The following HYAL4 variants were observed in gnomAD, a reference collection of about 807,000 sequenced individuals.
The protein encoded by HYAL4 is hyaluronidase-4.
Under a neutral mutation model 35.2 loss-of-function variants are expected in HYAL4, and 37 were observed. The observed-to-expected ratio is 1.05, with a 90% CI of 0.81 to 1.38. The LOEUF is 1.38. Among genes scored for constraint, HYAL4 ranks in the 40% most tolerant of loss-of-function variants. HYAL4 has a pLI of 0.00. For synonymous variants in HYAL4, 198 were observed against 203.2 expected (o/e 0.97, Z 0.22); for missense variants, 572 against 572.4 (o/e 1.00, Z 0.01).
rs1173705701 is a variant in HYAL4, at chr7:123,877,329, A to C, written c.*174A>C. 1.6e-6 allele frequency: 1 copy of C among 634,974 alleles called. No individual in the cohort carries two copies. The highest frequency in any genetic ancestry group is 3.2e-5 in the Admixed American group (1 of 31,706). 39.3% of individuals were successfully genotyped at this position (634,974 alleles called of 1,614,324 possible). A position where few individuals can be genotyped will look rare whatever the true frequency, so the allele number is the denominator to read the frequency against. ...TATTTTATTTGCCTCCAGTCTGGCT[A>C]GGAAACCAGATCTGGGGTAAAGTCA... is the stretch of plus-strand genomic sequence containing the variant. On this transcript the variant is annotated 3_prime_UTR_variant, in exon 5 of 5. Coordinates refer to ENST00000223026, the MANE Select transcript of HYAL4 (RefSeq NM_012269.3).
In HYAL4 at chr7:123,868,791, A is replaced by G. The variant is rs150637662; in HGVS notation, c.518A>G (p.Asp173Gly). 7.8e-5 allele frequency: 126 copies of G among 1,614,214 alleles called. No individual in the cohort carries two copies. In the African/African-American group the frequency reaches 1.6e-3, roughly 20 times the overall value. The change falls in exon 3 of 5, where the codon GAT becomes GGT. Residue 173 changes from aspartate to glycine, a missense_variant. Transcript: ENST00000223026. The part of the protein sequence containing the change: ...YRQKSRKLIS[D>G]MGKNVSATDI... ...CAGAAGTCAAGAAAGCTTATTTCCG[A>G]TATGGGAAAGAATGTATCAGCTACC...
At chr7:123,824,539 T>A (rs765852787), upstream of HYAL4, among the ~76,000 whole-genome samples, 2 of 152,124 alleles carry the variant, frequency 1.3e-5, no homozygotes, top group Non-Finnish European at 2.9e-5. Flanking sequence ...TGCTGCAATT[T>A]GGTTACAGGA....
At chr7:123,779,155 G>T in the HYAL4 span, among the ~76,000 whole-genome samples, 2 of 151,900 alleles carry the variant, frequency 1.3e-5, no homozygotes, top group South Asian at 4.1e-4. Context: ...AATTAATAAA[G>T]ATTTTAAAAA....
At chr7:123,797,211 G>A in the HYAL4 span, among the ~76,000 whole-genome samples, 1 of 152,194 alleles carries the variant, frequency 6.6e-6, no homozygotes, top group South Asian at 2.1e-4. Flanking sequence ...TGAGTAACAG[G>A]TTCTATGAAG....
the HYAL4 span, among the ~76,000 whole-genome samples, chr7:123,819,725 C>T: frequency 6.6e-6 from 1 of 152,000 alleles, no homozygotes; most frequent in Non-Finnish European, 1.5e-5. Flanking sequence ...GTCTCAGCTT[C>T]TCCATCTAAA....
intron 1 of HYAL4, among the ~76,000 whole-genome samples, chr7:123,846,262 CA>C (rs1001488665): frequency 6.6e-5 from 10 of 151,750 alleles, no homozygotes; most frequent in East Asian, 3.9e-4. Context: ...GAAGGACCAT[CA>C]GGGGGGCAGG....
At chr7:123,835,608 A>T (rs1047169965) in intron 1 of HYAL4, among the ~76,000 whole-genome samples, 5 of 151,422 alleles carry the variant, frequency 3.3e-5, no homozygotes, top group African/African-American at 1.2e-4. Flanking sequence ...TATTTCCTTT[A>T]TTCTACTGGG....
chr7:123,823,441 G>A, the HYAL4 span, among the ~76,000 whole-genome samples: 100 of 152,128 alleles, frequency 6.6e-4, no homozygotes, highest in African/African-American at 2.2e-3. Context: ...GCCTTGCTTT[G>A]GTATCAGGGT....
At chr7:123,861,431 C>T (rs182404516) in intron 2 of HYAL4, among the ~76,000 whole-genome samples, 309 of 152,286 alleles carry the variant, frequency 2.0e-3, no homozygotes, top group Admixed American at 3.7e-3. Flanking sequence ...ACAGAGGGAA[C>T]ATTCTATTAA....
At chr7:123,791,014 C>T in the HYAL4 span, among the ~76,000 whole-genome samples, 541 of 152,274 alleles carry the variant, frequency 3.6e-3, 3 homozygotes, top group Non-Finnish European at 6.5e-3. Context: ...ATCCACCCGC[C>T]TCGGCCTCCC....
At chr7:123,819,764 CA>C in the HYAL4 span, among the ~76,000 whole-genome samples, 2 of 152,072 alleles carry the variant, frequency 1.3e-5, no homozygotes, top group African/African-American at 4.8e-5. Context: ...ACCTCCTCTG[CA>C]GGATTTTGGT....
the HYAL4 span, among the ~76,000 whole-genome samples, chr7:123,802,102 G>T: frequency 3.9e-5 from 6 of 151,966 alleles, no homozygotes; most frequent in Admixed American, 1.3e-4. Context: ...CTCCAAGTAT[G>T]ACTGTTGCCA....
chr7:123,826,247 A>G (rs1805801552), upstream of HYAL4, among the ~76,000 whole-genome samples: 1 of 152,210 alleles, frequency 6.6e-6, no homozygotes, highest in African/African-American at 2.4e-5. Context: ...AAATGCACTG[A>G]TTCAATGCAG....
At chr7:123,801,211 T>C in the HYAL4 span, among the ~76,000 whole-genome samples, 7 of 152,276 alleles carry the variant, frequency 4.6e-5, no homozygotes, top group Admixed American at 1.3e-4. Flanking sequence ...TTCATATTAT[T>C]TCTCATTCAC....
intron 1 of HYAL4, among the ~76,000 whole-genome samples, chr7:123,833,221 A>G (rs142348786): frequency 3.3e-4 from 50 of 152,288 alleles, no homozygotes; most frequent in African/African-American, 1.2e-3. Context: ...GTTCCCGTTC[A>G]CTACACCCAC....
Position 123,876,814 on chromosome 7 carries a change from G to A in HYAL4, c.1105G>A (p.Val369Met), listed in dbSNP as rs1263430761. ...TGATTTAGGGAGCTACATAGCCAAT[G>A]TGACCAGAGCTGCTGAGGTATGCAG... ...SSDLGSYIAN[V>M]TRAAEVCSLH... Residue 369 changes from valine (V) to methionine (M), a missense_variant, in exon 5 of 5, where the codon GTG becomes ATG. By Grantham distance (21) the Val-to-Met change is conservative. Transcript: ENST00000223026. 2 of 1,614,066 alleles carry A rather than the reference G, an allele frequency of 1.2e-6. No individual in the cohort carries two copies. Among genetic ancestry groups the A allele is most frequent in the Non-Finnish European group, 1.7e-6 (2 of 1,180,024 alleles).
chr7:123,850,681 T>C (rs929470418), intron 2 of HYAL4, among the ~76,000 whole-genome samples: 17 of 152,214 alleles, frequency 1.1e-4, no homozygotes, highest in South Asian at 4.1e-4. Context: ...AATCCTGTGC[T>C]CTGTCTTATC....
chr7:123,770,769 G>GA, the HYAL4 span, among the ~76,000 whole-genome samples: 24 of 150,648 alleles, frequency 1.6e-4, no homozygotes, highest in Non-Finnish European at 3.2e-4. Flanking sequence ...TGTGCTTTAA[G>GA]AAAAGTAATT....
chr7:123,826,232 A>C (rs1396095666), upstream of HYAL4, among the ~76,000 whole-genome samples: 1 of 152,036 alleles, frequency 6.6e-6, no homozygotes, highest in Non-Finnish European at 1.5e-5. Flanking sequence ...TGAGATAGAG[A>C]TAGGAAATGC....
Sources: allele counts gnomAD v4.1 joint callset (sites outside exome capture counted in the v4.1 genomes callset), GRCh38; gene constraint gnomAD v4.1.1; transcripts MANE v1.5; gene names NCBI Gene and HGNC (gene_info 2026-07-23, HGNC 2026-07-21).